RYR3: variants seen among roughly 807,000 people sequenced by gnomAD.
The protein encoded by RYR3 is ryanodine receptor 3, also known as brain ryanodine receptor-calcium release channel.
A neutral mutation model predicts 584.3 loss-of-function variants in RYR3; 207 were observed. That is an observed-to-expected ratio of 0.35 (90% CI 0.32 to 0.40). RYR3 has a LOEUF of 0.40. RYR3 is among the 10% of genes least tolerant of loss of function. The probability of loss-of-function intolerance (pLI) is 1.00; values close to 1 mark genes in which losing one functional copy is unlikely to be tolerated. For synonymous variants in RYR3, 2,416 were observed against 2,248.5 expected (o/e 1.07, Z -2.11); for missense variants, 5,616 against 6,089.2 (o/e 0.92, Z 2.59).
intron 62 of RYR3, among the ~76,000 whole-genome samples, chr15:33,770,043 G>T (rs554246985): frequency 1.6e-4 from 24 of 151,558 alleles, no homozygotes; most frequent in Admixed American, 1.4e-3. Flanking sequence ...TCAGAGCCGG[G>T]CACCATGATT....
At chr15:33,326,933 A>G (rs1567031250) in intron 1 of RYR3, among the ~76,000 whole-genome samples, 1 of 152,026 alleles carries the variant, frequency 6.6e-6, no homozygotes. Flanking sequence ...ACTTATTGTT[A>G]TATGTCTGAT....
At chr15:33,827,370 C>G (rs1304226868) in intron 85 of RYR3, 83 bp downstream of exon 85, 2 of 1,268,482 alleles carry the variant, frequency 1.6e-6, no homozygotes, top group Admixed American at 2.0e-5. Flanking sequence ...CAGGGACAGC[C>G]CAGGATACAG....
intron 86 of RYR3, 138 bp downstream of exon 86, chr15:33,831,229 T>C (rs946986695): frequency 2.5e-6 from 2 of 791,402 alleles, no homozygotes; most frequent in Non-Finnish European, 3.6e-6. Context: ...TTATTTTCTC[T>C]AAATAGGAAG....
At chr15:33,474,931 A>T (rs1383389038) in intron 2 of RYR3, among the ~76,000 whole-genome samples, 1 of 152,234 alleles carries the variant, frequency 6.6e-6, no homozygotes, top group Non-Finnish European at 1.5e-5. Context: ...CCAGAGTCCC[A>T]TTAAAATATA....
intron 38 of RYR3, among the ~76,000 whole-genome samples, chr15:33,674,312 C>T (rs1447422287): frequency 6.6e-6 from 1 of 152,206 alleles, no homozygotes; most frequent in African/African-American, 2.4e-5. Flanking sequence ...TAAGCCTCTT[C>T]TCTAAATTCT....
chr15:33,393,487 C>A (rs1042251124), intron 1 of RYR3, among the ~76,000 whole-genome samples: 1 of 152,004 alleles, frequency 6.6e-6, no homozygotes, highest in African/African-American at 2.4e-5. Flanking sequence ...GGGAGAAAGA[C>A]TCATATTAAA....
rs189056564 is a variant in RYR3 at position 33,734,654 on chromosome 15, A to T, written c.7425-1581A>T. Reference sequence around the variant, plus strand: ...TGATTTGAGCTGCAAATATTTCTAAAGAATCAGACTTTGGAGAAATTCGAT... The same window carrying T: ...TGATTTGAGCTGCAAATATTTCTAATGAATCAGACTTTGGAGAAATTCGAT... On this transcript the variant is annotated intron_variant, in intron 48 of 103. Transcript: ENST00000634891. Among the ~76,000 whole-genome samples the T allele has an allele frequency of 2.8e-3, 427 of 151,972 alleles. 12 individuals carry two copies. The highest frequency in any genetic ancestry group is 0.026 in the Admixed American group (397 of 15,242).
At chr15:33,565,056 C>T (rs1382565975) in intron 11 of RYR3, among the ~76,000 whole-genome samples, 2 of 152,188 alleles carry the variant, frequency 1.3e-5, no homozygotes, top group Non-Finnish European at 1.5e-5. Flanking sequence ...CTATTCCTAT[C>T]TTAGGCTTCT....
In RYR3 at chr15:33,603,229, C is replaced by A. The variant is rs200675332; in HGVS notation, c.2029C>A (p.Pro677Thr). 1.9e-6 allele frequency: 3 copies of A among 1,613,810 alleles called. No homozygotes were observed. The highest frequency in any genetic ancestry group is 1.7e-6 in the Non-Finnish European group (2 of 1,179,872). The change falls in exon 18 of 104, where the codon CCC becomes ACC. Residue 677 changes from proline to threonine, a missense_variant. Pro to Thr is a conservative substitution (Grantham distance 38, BLOSUM62 -1). This residue lies in a region of RYR3 where 1,284 missense variants were observed against 1,344.6 expected (regional missense o/e 0.95). Coordinates refer to ENST00000634891, the MANE Select transcript of RYR3 (RefSeq NM_001036.6). ...GGTGGACCCCTTCCTAACAGCAGAG[C>A]CCACACATCTGCGGGTGGGCTGGGC... ...DQVDPFLTAE[P>T]THLRVGWASS...
Position 33,433,669 on chromosome 15 carries a change from T to C in RYR3, c.52-39750T>C, listed in dbSNP as rs562185999. On this transcript the variant is annotated intron_variant, in intron 1 of 103. Transcript: ENST00000634891. ...CATGATTAGCCTATACAAATTACTT[T>C]TAGTATTAGAAAACTAAACTGGTGT... Among the ~76,000 whole-genome samples the C allele has an allele frequency of 6.6e-5, 10 of 152,366 alleles. No homozygotes were observed. In the South Asian group the frequency reaches 2.1e-3, roughly 32 times the overall value.
chr15:33,336,974 C>T (rs904157571), intron 1 of RYR3, among the ~76,000 whole-genome samples: 8 of 133,904 alleles, frequency 6.0e-5, no homozygotes, highest in Admixed American at 1.8e-4. Context: ...AGGAGAATGG[C>T]GTGAACCTGG....
At chr15:33,623,762 TG>T (rs766638413) in intron 19 of RYR3, 44 bp from the exon 20 acceptor site, 272 of 1,244,802 alleles carry the variant, frequency 2.2e-4, no homozygotes, top group Non-Finnish European at 2.8e-4. Flanking sequence ...TGGGCTGCAT[TG>T]TTTTTTTTTT....
chr15:33,336,388 T>C (rs2140744202), intron 1 of RYR3, among the ~76,000 whole-genome samples: 1 of 146,286 alleles, frequency 6.8e-6, no homozygotes, highest in South Asian at 2.2e-4. Context: ...ATGGTGCCAC[T>C]GCACTCCAGC....
At chr15:33,728,582 C>T (rs756318280) in intron 46 of RYR3, among the ~76,000 whole-genome samples, 2 of 152,220 alleles carry the variant, frequency 1.3e-5, no homozygotes, top group South Asian at 2.1e-4. Flanking sequence ...GCAATATTTG[C>T]GCTATACTTA....
intron 67 of RYR3, among the ~76,000 whole-genome samples, chr15:33,789,982 CCTT>C (rs1477277865): frequency 1.1e-5 from 1 of 93,352 alleles, no homozygotes; most frequent in African/African-American, 4.7e-5. Context: ...CCACGCCTGG[CCTT>C]CTTTTTTTTT....
intron 1 of RYR3, among the ~76,000 whole-genome samples, chr15:33,316,274 A>G (rs2140480340): frequency 6.6e-6 from 1 of 152,248 alleles, no homozygotes; most frequent in East Asian, 1.9e-4. Flanking sequence ...AGGAATCTTT[A>G]TTTTATAATT....
Position 33,361,600 on chromosome 15 carries a change from G to A in RYR3, c.51+50504G>A, listed in dbSNP as rs532123965. Among the ~76,000 whole-genome samples the A allele has an allele frequency of 1.1e-4, 16 of 152,312 alleles. No homozygotes were observed. The East Asian group carries it at 2.9e-3, about 28-fold the overall frequency. On this transcript the variant is annotated intron_variant, in intron 1 of 103. Transcript: ENST00000634891. ...GTACCTGGGCCTCAGGCAGCATCAC[G>A]AGTGTAAAATAGGGGCTAAATAAGC...
At position 33,336,460 on chromosome 15, in the gene RYR3, GA is replaced by G. The variant is rs1567046562; in HGVS notation, c.51+25365del. On this transcript the variant is annotated intron_variant, in intron 1 of 103. Coordinates refer to ENST00000634891, the MANE Select transcript of RYR3 (RefSeq NM_001036.6). Reference sequence around the variant, plus strand: ...AAAGAAAGAGAGAGAGAGAGAGAGAGAGAGAGAGAGAGAGAGAGAGAGAGAG... The same window carrying G: ...AAAGAAAGAGAGAGAGAGAGAGAGAGGAGAGAGAGAGAGAGAGAGAGAGAG... 3.4e-3 allele frequency among the ~76,000 whole-genome samples: 54 copies of G among 15,840 alleles called. 14 individuals are homozygous for G. Among genetic ancestry groups the G allele is most frequent in the African/African-American group, 0.029 (43 of 1,468 alleles). The allele number at this position is 15,840 out of a possible 152,430, so 10.4% of individuals were successfully genotyped here.
At position 33,460,508 on chromosome 15, in the gene RYR3, G is replaced by T. The variant is rs148952152; in HGVS notation, c.52-12911G>T. The stretch of plus-strand genomic sequence containing the variant: ...TACTTACTAAATTTGAAGCTTTCTT[G>T]TATTCTGAGGACTTAGCGAGTCATA... On this transcript the variant is annotated intron_variant, in intron 1 of 103. Transcript: ENST00000634891. Among the ~76,000 whole-genome samples, 41 of 152,314 alleles carry T rather than the reference G, an allele frequency of 2.7e-4. No individual in the cohort carries two copies. In the East Asian group the frequency reaches 7.1e-3, roughly 26 times the overall value.
Sources: gnomAD v4.1 joint callset for allele counts (sites outside exome capture counted in the v4.1 genomes callset) on GRCh38, gnomAD v4.1.1 for gene constraint, gnomAD v4.1.1 regional missense constraint, MANE v1.5 for transcripts, NCBI Gene and HGNC (gene_info 2026-07-23, HGNC 2026-07-21) for gene names.